PCNX2: variants seen among roughly 807,000 people sequenced by gnomAD.
The protein encoded by PCNX2 is pecanex-like protein 2.
PCNX2 carries 168 observed loss-of-function variants against 223.8 expected under a neutral mutation model. The observed-to-expected ratio is 0.75, with a 90% CI of 0.66 to 0.85. The LOEUF (loss-of-function observed/expected upper bound fraction) is 0.85. Among genes scored for constraint, PCNX2 ranks in the 40% least tolerant of loss-of-function variants. The pLI is 0.00. For missense variants in PCNX2, 2,507 were observed against 2,675.5 expected (o/e 0.94, Z 1.39); for synonymous variants, 1,006 against 1,052.6 (o/e 0.96, Z 0.86).
At chr1:233,268,588 G>A (rs185482217) in intron 1 of PCNX2, among the ~76,000 whole-genome samples, 6 of 152,276 alleles carry the variant, frequency 3.9e-5, no homozygotes, top group East Asian at 1.9e-4. Context: ...ATGCTGCAGC[G>A]TTGATGAGCT....
chr1:233,180,408 C>T (rs1389325011), intron 15 of PCNX2, among the ~76,000 whole-genome samples: 1 of 152,194 alleles, frequency 6.6e-6, no homozygotes, highest in African/African-American at 2.4e-5. Flanking sequence ...GTCTCTCATA[C>T]ACCAAGAAGA....
chr1:233,107,917 T>C (rs1413343044), intron 21 of PCNX2, among the ~76,000 whole-genome samples: 1 of 152,186 alleles, frequency 6.6e-6, no homozygotes, highest in East Asian at 1.9e-4. Context: ...ATAAAACAGG[T>C]TGAGGTAAAG....
At chr1:233,122,696 T>G (rs553534866) in intron 21 of PCNX2, among the ~76,000 whole-genome samples, 7 of 152,186 alleles carry the variant, frequency 4.6e-5, no homozygotes, top group African/African-American at 1.7e-4. Context: ...GCTAATTTTT[T>G]GTATTTAGTA....
intron 21 of PCNX2, among the ~76,000 whole-genome samples, chr1:233,129,265 G>A (rs1676294849): frequency 6.6e-6 from 1 of 152,226 alleles, no homozygotes; most frequent in African/African-American, 2.4e-5. Context: ...CAGCTGCAGA[G>A]GGTGCGCTGG....
At chr1:233,020,706 C>G (rs1179971239) in intron 26 of PCNX2, among the ~76,000 whole-genome samples, 1 of 152,202 alleles carries the variant, frequency 6.6e-6, no homozygotes, top group Non-Finnish European at 1.5e-5. Context: ...CAGGCCCACA[C>G]AGAAAGCAGC....
intron 9 of PCNX2, among the ~76,000 whole-genome samples, chr1:233,230,465 C>T (rs955674116): frequency 6.6e-6 from 1 of 152,184 alleles, no homozygotes; most frequent in Non-Finnish European, 1.5e-5. Context: ...GTCTCTGATT[C>T]ATTAAGCCTT....
chr1:233,205,793 C>T (rs1030475231), intron 13 of PCNX2, among the ~76,000 whole-genome samples: 6 of 152,132 alleles, frequency 3.9e-5, no homozygotes, highest in African/African-American at 1.2e-4. Flanking sequence ...AAATGCCAGA[C>T]ACTGCTAAGG....
chr1:233,127,958 T>C (rs934985742), intron 21 of PCNX2, among the ~76,000 whole-genome samples: 1 of 152,240 alleles, frequency 6.6e-6, no homozygotes, highest in Non-Finnish European at 1.5e-5. Context: ...GTATGTATTT[T>C]TTTAAAAAGT....
chr1:233,039,040 G>C (rs55731097), intron 25 of PCNX2, among the ~76,000 whole-genome samples: 33,198 of 152,006 alleles, frequency 0.22, 4,741 homozygotes, highest in Non-Finnish European at 0.31. Context: ...CTTGCAGAAT[G>C]AACATTGAAA....
intron 9 of PCNX2, among the ~76,000 whole-genome samples, chr1:233,228,602 C>T (rs1657881283): frequency 1.3e-5 from 2 of 152,174 alleles, no homozygotes; most frequent in African/African-American, 4.8e-5. Context: ...GGCATAGTGT[C>T]CTCAAGCTTC....
At chr1:233,186,474 C>G (rs1275823642) in intron 15 of PCNX2, among the ~76,000 whole-genome samples, 3 of 152,134 alleles carry the variant, frequency 2.0e-5, no homozygotes, top group African/African-American at 7.2e-5. Flanking sequence ...GTGGCCGGCA[C>G]GTGTGGGTGT....
chr1:233,198,989 T>C lies in PCNX2; in HGVS notation c.3016A>G (p.Ser1006Gly). The C allele has an allele frequency of 6.2e-7, 1 of 1,605,658 alleles. No individual in the cohort carries two copies. The highest frequency in any genetic ancestry group is 8.5e-7 in the Non-Finnish European group (1 of 1,176,548). The change falls in exon 15 of 34, where the codon AGC (serine) becomes GGC (glycine). Residue 1006 changes from serine (S) to glycine (G), a missense_variant. By Grantham distance (56) the Ser-to-Gly change is moderately conservative. This residue lies in a region of PCNX2 where 1,372 missense variants were observed against 1,509.4 expected (regional missense o/e 0.91). Transcript: ENST00000258229. ...ITSAVYSVAR[S>G]VLAAALLHAV... ...TGGAGCAGGGCGGCAGCCAAGACGCTCCGGGCCACACTGTAAACAGCCGAG... is the reference window on the plus strand; with the variant it reads ...TGGAGCAGGGCGGCAGCCAAGACGCCCCGGGCCACACTGTAAACAGCCGAG...
intron 25 of PCNX2, among the ~76,000 whole-genome samples, chr1:233,045,299 T>C (rs1671788032): frequency 6.6e-6 from 1 of 152,212 alleles, no homozygotes; most frequent in Non-Finnish European, 1.5e-5. Flanking sequence ...CAATCTTCCA[T>C]GCAATCTTCC....
chr1:233,029,813 C>T (rs1671203489), intron 25 of PCNX2, among the ~76,000 whole-genome samples: 1 of 93,442 alleles, frequency 1.1e-5, no homozygotes, highest in Non-Finnish European at 2.3e-5. Context: ...TGTTTTTAAA[C>T]TCTCTCATGC....
intron 25 of PCNX2, among the ~76,000 whole-genome samples, chr1:233,038,773 A>C (rs1671544166): frequency 6.6e-6 from 1 of 152,210 alleles, no homozygotes; most frequent in African/African-American, 2.4e-5. Context: ...AGCTATGATA[A>C]AGGTTTGGGT....
At chr1:233,231,720 T>C (rs1658074854) in intron 9 of PCNX2, 1 of 954,262 alleles carries the variant, frequency 1.0e-6, no homozygotes. Context: ...CTAACAGCTA[T>C]CAAACTCAGC....
intron 23 of PCNX2, among the ~76,000 whole-genome samples, chr1:233,061,268 G>T (rs532791982): frequency 1.3e-5 from 2 of 152,244 alleles, no homozygotes; most frequent in Admixed American, 1.3e-4. Flanking sequence ...TTAAATACAG[G>T]GGTACTGTCT....
intron 15 of PCNX2, among the ~76,000 whole-genome samples, chr1:233,179,419 ATCTT>A (rs1679669210): frequency 6.6e-6 from 1 of 152,218 alleles, no homozygotes; most frequent in Admixed American, 6.5e-5. Flanking sequence ...ATAAAACTGA[ATCTT>A]TCCTGAAATT....
chr1:233,252,763 C>T lies in PCNX2; in HGVS notation c.1860G>A (p.Glu620=). ...TGGGCTTTTCATTTTCCAGGATTTCCTCCTTTTTTTCCTGGGAACAGTTAT... is the reference window on the plus strand; with the variant it reads ...TGGGCTTTTCATTTTCCAGGATTTCTTCCTTTTTTTCCTGGGAACAGTTAT... ...LRDNCSQEKK[E]EILENEKPSG... Residue 620 remains glutamate (E), a synonymous_variant, in exon 6 of 34, where the codon GAG becomes GAA. Transcript: ENST00000258229. 6.2e-7 allele frequency: 1 copy of T among 1,611,604 alleles called. No homozygotes were observed. Among genetic ancestry groups the T allele is most frequent in the Non-Finnish European group, 8.5e-7 (1 of 1,179,422 alleles).
Sources: gnomAD v4.1 joint callset for allele counts (sites outside exome capture counted in the v4.1 genomes callset) on GRCh38, gnomAD v4.1.1 for gene constraint, gnomAD v4.1.1 regional missense constraint, MANE v1.5 for transcripts, NCBI Gene and HGNC (gene_info 2026-07-23, HGNC 2026-07-21) for gene names.